The following SEMA6D variants were observed in gnomAD, a reference collection of about 807,000 sequenced individuals.
The protein encoded by SEMA6D is semaphorin 6D.
A neutral mutation model predicts 106.6 loss-of-function variants in SEMA6D; 35 were observed. The observed-to-expected ratio is 0.33, with a 90% CI of 0.25 to 0.44. The LOEUF (loss-of-function observed/expected upper bound fraction) is 0.44, where lower values mean the gene tolerates loss of function less well. Ranked by LOEUF, SEMA6D falls within the 20% of genes least tolerant of loss-of-function variation. SEMA6D has a pLI of 1.00. For missense variants in SEMA6D, 1,185 were observed against 1,345.9 expected (o/e 0.88, Z 1.87); for synonymous variants, 499 against 487.7 (o/e 1.02, Z -0.31).
chr15:47,369,817 A>G (rs1219173826), intron 1 of SEMA6D, among the ~76,000 whole-genome samples: 1 of 152,170 alleles, frequency 6.6e-6, no homozygotes, highest in Non-Finnish European at 1.5e-5. Flanking sequence ...AAGCAGTCAC[A>G]TTTTTTCATG....
At chr15:47,310,938 A>C (rs1015461718) in intron 1 of SEMA6D, among the ~76,000 whole-genome samples, 6 of 152,230 alleles carry the variant, frequency 3.9e-5, no homozygotes, top group African/African-American at 1.4e-4. Context: ...GATTAGGATC[A>C]ATTATATACT....
At chr15:47,714,643 A>G (rs4774503), upstream of SEMA6D, among the ~76,000 whole-genome samples, 1,397 of 152,338 alleles carry the variant, frequency 9.2e-3, 74 homozygotes, top group East Asian at 0.16. Flanking sequence ...TGAGCCCTTT[A>G]CAATTTCTTC....
chr15:47,766,731 C>T (rs1010329141), intron 16 of SEMA6D, 54 bp downstream of exon 16: 256 of 1,214,952 alleles, frequency 2.1e-4, no homozygotes, highest in Non-Finnish European at 1.7e-4. Context: ...CACATTTGCA[C>T]GTCGACATTA....
intron 1 of SEMA6D, among the ~76,000 whole-genome samples, chr15:47,333,111 A>G (rs1409001047): frequency 6.6e-6 from 1 of 152,176 alleles, no homozygotes; most frequent in Non-Finnish European, 1.5e-5. Context: ...GGAATTTGTG[A>G]GCGAGGTGAA....
intron 2 of SEMA6D, among the ~76,000 whole-genome samples, chr15:47,416,098 A>G (rs530305773): frequency 6.6e-6 from 1 of 152,256 alleles, no homozygotes; most frequent in African/African-American, 2.4e-5. Context: ...TTTTTTATTT[A>G]GGAGTAAAGT....
At chr15:47,688,527 G>A (rs1195482966) in intron 4 of SEMA6D, among the ~76,000 whole-genome samples, 2 of 152,152 alleles carry the variant, frequency 1.3e-5, no homozygotes, top group Admixed American at 6.5e-5. Context: ...CATAGGCTGG[G>A]GAAGAGCTGT....
chr15:47,467,515 A>G (rs2042701385), intron 2 of SEMA6D, among the ~76,000 whole-genome samples: 1 of 152,166 alleles, frequency 6.6e-6, no homozygotes, highest in South Asian at 2.1e-4. Flanking sequence ...AATGTTGGCA[A>G]ATTTCTGGAA....
intron 6 of SEMA6D, 42 bp from the exon 7 acceptor site, chr15:47,761,619 G>A (rs760596737): frequency 1.8e-5 from 27 of 1,473,540 alleles, no homozygotes; most frequent in Middle Eastern, 1.8e-4. Context: ...AAACGGGCAC[G>A]TTGAATAGAT....
chr15:47,501,124 C>T (rs1258933311), intron 3 of SEMA6D, among the ~76,000 whole-genome samples: 2 of 152,118 alleles, frequency 1.3e-5, no homozygotes, highest in African/African-American at 2.4e-5. Context: ...ATATTTTCTC[C>T]TCATCGGTTC....
intron 1 of SEMA6D, among the ~76,000 whole-genome samples, chr15:47,718,037 G>A (rs879757303): frequency 2.0e-5 from 3 of 152,148 alleles, no homozygotes; most frequent in Non-Finnish European, 2.9e-5. Flanking sequence ...CCTCCACTGT[G>A]CACCCCCTTG....
intron 2 of SEMA6D, among the ~76,000 whole-genome samples, chr15:47,419,663 T>C (rs1048671432): frequency 1.3e-5 from 2 of 152,110 alleles, no homozygotes; most frequent in Non-Finnish European, 2.9e-5. Flanking sequence ...GAAAGGGCTT[T>C]AGTGGAATGG....
At chr15:47,691,868 T>C (rs1432394094) in intron 4 of SEMA6D, among the ~76,000 whole-genome samples, 1 of 148,752 alleles carries the variant, frequency 6.7e-6, no homozygotes, top group Non-Finnish European at 1.5e-5. Flanking sequence ...AAAAGGAAAA[T>C]ACATAAAATG....
At chr15:47,635,454 G>A (rs1186607687) in intron 4 of SEMA6D, among the ~76,000 whole-genome samples, 1 of 152,090 alleles carries the variant, frequency 6.6e-6, no homozygotes, top group African/African-American at 2.4e-5. Flanking sequence ...TCTAAGAATG[G>A]GCTAGGCCAA....
chr15:47,542,636 G>T (rs1566872982), intron 3 of SEMA6D, among the ~76,000 whole-genome samples: 1 of 152,080 alleles, frequency 6.6e-6, no homozygotes, highest in Admixed American at 6.6e-5. Context: ...GTACTATTTT[G>T]CTTCAAGCAG....
chr15:47,455,753 G>T (rs1567092022), intron 2 of SEMA6D, among the ~76,000 whole-genome samples: 1 of 151,900 alleles, frequency 6.6e-6, no homozygotes, highest in Admixed American at 6.6e-5. Context: ...GAAGAGAATG[G>T]CAATCAGAAG....
At chr15:47,392,570 G>A (rs989951307) in intron 1 of SEMA6D, among the ~76,000 whole-genome samples, 3 of 152,140 alleles carry the variant, frequency 2.0e-5, no homozygotes, top group Non-Finnish European at 4.4e-5. Flanking sequence ...GAACTGCAGA[G>A]TGAGGAAATG....
At chr15:47,325,200 T>C (rs2037081858) in intron 1 of SEMA6D, among the ~76,000 whole-genome samples, 1 of 149,772 alleles carries the variant, frequency 6.7e-6, no homozygotes, top group Non-Finnish European at 1.5e-5. Context: ...TAAGACAGAG[T>C]CTCGCTCTTG....
In SEMA6D at chr15:47,364,549, G is replaced by A. The variant is rs763023888; in HGVS notation, c.-238-47844G>A. On this transcript the variant is annotated intron_variant, in intron 1 of 19. Transcript: ENST00000558014. ...CTGTGCGCTGCACATGTGGAATTTC[G>A]TACAGTAGCTGTGATTTGTTTTCTA... 7.2e-5 allele frequency among the ~76,000 whole-genome samples: 11 copies of A among 152,146 alleles called. No homozygotes were observed. The South Asian group carries it at 1.0e-3, about 14-fold the overall frequency.
In SEMA6D at chr15:47,224,233, T is replaced by A. The variant is rs965271081; in HGVS notation, c.-239+39815T>A. 5.9e-5 allele frequency among the ~76,000 whole-genome samples: 9 copies of A among 151,812 alleles called. 1 individual carries two copies. Among genetic ancestry groups the A allele is most frequent in the Non-Finnish European group, 1.2e-4 (8 of 67,920 alleles). ...AATACTATTTGCTATTAAATTTACA[T>A]TGTTTTCACTCTTTCCCTGACTCTG... is the stretch of plus-strand genomic sequence containing the variant. On this transcript the variant is annotated intron_variant, in intron 1 of 19. Coordinates refer to the SEMA6D transcript ENST00000558014.
Sources: gnomAD v4.1 joint callset for allele counts (sites outside exome capture counted in the v4.1 genomes callset) on GRCh38, gnomAD v4.1.1 for gene constraint, MANE v1.5 for transcripts, NCBI Gene and HGNC (gene_info 2026-07-23, HGNC 2026-07-21) for gene names.